The following API5 variants were observed in gnomAD, a reference collection of about 807,000 sequenced individuals.
The protein encoded by API5 is apoptosis inhibitor 5, also known as FIF.
In API5, 6 loss-of-function variants were observed where a neutral mutation model predicts 71.9. The ratio of observed to expected loss-of-function variants is 0.08; its 90% confidence interval spans 0.05 to 0.16. The LOEUF (loss-of-function observed/expected upper bound fraction) is 0.16. Among genes scored for constraint, API5 ranks in the 10% least tolerant of loss-of-function variants. The pLI is 1.00. For missense variants in API5, 332 were observed against 612.8 expected, an observed-to-expected ratio of 0.54 and a Z score of 4.84; for synonymous variants, 189 against 221.3, an observed-to-expected ratio of 0.85 and a Z score of 1.30.
intron 13 of API5, among the ~76,000 whole-genome samples, chr11:43,340,735 C>A (rs536420101): frequency 1.3e-5 from 2 of 151,392 alleles, no homozygotes; most frequent in Non-Finnish European, 2.9e-5. Context: ...AACTGGGTAT[C>A]CATATGCAGA....
intron 5 of API5, among the ~76,000 whole-genome samples, chr11:43,322,702 C>G (rs1854935767): frequency 6.6e-6 from 1 of 152,268 alleles, no homozygotes; most frequent in East Asian, 1.9e-4. Context: ...ACAGAAGATT[C>G]AGCATTTTAT....
chr11:43,329,904 T>C, intron 9 of API5, 61 bp from the exon 10 acceptor site: 4 of 1,423,316 alleles, frequency 2.8e-6, no homozygotes, highest in Non-Finnish European at 4.0e-6. Flanking sequence ...TAGTATAAGA[T>C]TGAGTTTAAA....
Position 43,312,022 on chromosome 11 carries a change from C to T in API5, c.-106C>T, listed in dbSNP as rs922883891. The stretch of plus-strand genomic sequence containing the variant: ...TGACTGGCGGCTGCACTGGCGGCAG[C>T]TGGAGGTGTAATAGTGCGGGTAGTG... On this transcript the variant is annotated 5_prime_UTR_variant, in exon 1 of 14. Transcript: ENST00000531273. 1.6e-6 allele frequency: 2 copies of T among 1,271,900 alleles called. No individual in the cohort carries two copies. The highest frequency in any genetic ancestry group is 1.5e-5 in the African/African-American group (1 of 67,926). 78.8% of individuals were successfully genotyped at this position (1,271,900 alleles called of 1,614,324 possible). A position where few individuals can be genotyped will look rare whatever the true frequency, so the allele number is the denominator to read the frequency against.
rs751639194 is a variant in API5 at position 43,342,545 on chromosome 11, C to T, written c.*35C>T. On this transcript the variant is annotated 3_prime_UTR_variant, in exon 14 of 14. Coordinates refer to ENST00000531273, the MANE Select transcript of API5 (RefSeq NM_001142930.2). ...CAGCATTCTTCAGCATTGTCATGAG[C>T]TTAATATACTTAAATTCTACTACTC... The T allele has an allele frequency of 1.1e-5, 17 of 1,594,218 alleles. No individual in the cohort carries two copies. Among genetic ancestry groups the T allele is most frequent in the Non-Finnish European group, 1.2e-5 (14 of 1,162,368 alleles).
At chr11:43,319,591 A>C (rs1392033554) in intron 2 of API5, among the ~76,000 whole-genome samples, 1 of 151,974 alleles carries the variant, frequency 6.6e-6, no homozygotes, top group African/African-American at 2.4e-5. Context: ...GCTGATTTTT[A>C]ATTTTTTTGT....
intron 5 of API5, among the ~76,000 whole-genome samples, chr11:43,322,811 G>A (rs1007440646): frequency 6.6e-6 from 1 of 152,154 alleles, no homozygotes; most frequent in African/African-American, 2.4e-5. Context: ...TGAGAAAAAA[G>A]TAGATCTTTA....
At chr11:43,319,858 T>C (rs1412338562) in intron 2 of API5, among the ~76,000 whole-genome samples, 1 of 152,208 alleles carries the variant, frequency 6.6e-6, no homozygotes, top group Admixed American at 6.5e-5. Flanking sequence ...ATTGCCACAG[T>C]AGCCATTTTT....
chr11:43,336,033 T>A lies in API5; in HGVS notation c.1492+39T>A, dbSNP rs192863202. 79 of 1,605,316 alleles carry A rather than the reference T, an allele frequency of 4.9e-5. No individual in the cohort carries two copies. The African/African-American group carries it at 8.7e-4, about 18-fold the overall frequency. On this transcript the variant is annotated intron_variant, in intron 13 of 13. Transcript: ENST00000531273. The stretch of plus-strand genomic sequence containing the variant: ...TTTGGGTACAAGGAATATGAGAGAT[T>A]AGGCAGAAATTGTGTTATACTTTAT...
chr11:43,326,378 G>A (rs1038257466), intron 6 of API5, 129 bp from the exon 7 acceptor site: 2 of 614,076 alleles, frequency 3.3e-6, no homozygotes, highest in Admixed American at 2.8e-5. Flanking sequence ...GCTGGGGTGT[G>A]CACTATATCG....
chr11:43,312,258 C>G (rs189716211), intron 1 of API5, 62 bp downstream of exon 1: 7 of 1,548,026 alleles, frequency 4.5e-6, no homozygotes, highest in South Asian at 3.4e-5. Flanking sequence ...GAAAGCGCTT[C>G]CCGCCGCACT....
At chr11:43,330,090 C>G in intron 10 of API5, 32 bp downstream of exon 10, 2 of 1,544,742 alleles carry the variant, frequency 1.3e-6, no homozygotes, top group Non-Finnish European at 8.9e-7. Context: ...TCATAAACTG[C>G]TAGTTCCATA....
chr11:43,320,583 T>C (rs1344493194), intron 2 of API5, among the ~76,000 whole-genome samples: 3 of 151,856 alleles, frequency 2.0e-5, no homozygotes, highest in Admixed American at 2.0e-4. Flanking sequence ...CCTTTAAAAT[T>C]AGCCAGGCGT....
At chr11:43,341,501 A>G (rs1855612211) in intron 13 of API5, among the ~76,000 whole-genome samples, 1 of 152,200 alleles carries the variant, frequency 6.6e-6, no homozygotes, top group South Asian at 2.1e-4. Context: ...AAATTAAACA[A>G]TGCATGTTCT....
chr11:43,338,515 T>TAA (rs139789613), intron 13 of API5, among the ~76,000 whole-genome samples: 11 of 148,870 alleles, frequency 7.4e-5, no homozygotes, highest in African/African-American at 2.5e-4. Flanking sequence ...AGCAGTGAAT[T>TAA]AAAAAAAAAA....
intron 8 of API5, among the ~76,000 whole-genome samples, chr11:43,328,328 A>G (rs1163964263): frequency 6.6e-6 from 1 of 152,208 alleles, no homozygotes; most frequent in Non-Finnish European, 1.5e-5. Flanking sequence ...TGTAGTAAGC[A>G]TAGTATAGTT....
intron 9 of API5, among the ~76,000 whole-genome samples, chr11:43,329,582 C>G (rs1328064910): frequency 6.6e-6 from 1 of 152,070 alleles, no homozygotes; most frequent in African/African-American, 2.4e-5. Flanking sequence ...TGGTGCCTGG[C>G]AAATAGTAGG....
rs372433245 is a variant in API5 at position 43,338,133 on chromosome 11, GA to G, written c.1492+2141del. The stretch of plus-strand genomic sequence containing the variant: ...AAAATCTGATTCTTCTTATTAGAAA[GA>G]AGAGTGAATTTCTGCAATTATTTTA... On this transcript the variant is annotated intron_variant, in intron 13 of 13. Coordinates refer to ENST00000531273, the MANE Select transcript of API5 (RefSeq NM_001142930.2). Among the ~76,000 whole-genome samples, 524 of 152,334 alleles carry G rather than the reference GA, an allele frequency of 3.4e-3. 2 individuals carry two copies. The highest frequency in any genetic ancestry group is 0.012 in the African/African-American group (489 of 41,578).
chr11:43,333,555 G>T (rs1333011439), intron 11 of API5, among the ~76,000 whole-genome samples: 1 of 152,044 alleles, frequency 6.6e-6, no homozygotes, highest in Non-Finnish European at 1.5e-5. Context: ...AATACAGATA[G>T]ATTACATTAA....
intron 5 of API5, 40 bp from the exon 6 acceptor site, chr11:43,323,390 A>G: frequency 6.5e-7 from 1 of 1,528,660 alleles, no homozygotes; most frequent in Non-Finnish European, 9.1e-7. Context: ...TCCCATTCAA[A>G]TGATGAACAT....
Sources: allele counts gnomAD v4.1 joint callset (sites outside exome capture counted in the v4.1 genomes callset), GRCh38; gene constraint gnomAD v4.1.1; transcripts MANE v1.5; gene names NCBI Gene and HGNC (gene_info 2026-07-23, HGNC 2026-07-21).